KLHL1: variants seen among roughly 807,000 people sequenced by gnomAD.
KLHL1 encodes the protein kelch like family member 1, also known as kelch-like protein 1.
A neutral mutation model predicts 77.7 loss-of-function variants in KLHL1; 47 were observed. That is an observed-to-expected ratio of 0.60 (90% CI 0.48 to 0.77). The LOEUF (loss-of-function observed/expected upper bound fraction) is 0.77, where lower values mean the gene tolerates loss of function less well. Among genes scored for constraint, KLHL1 ranks in the 30% least tolerant of loss-of-function variants. KLHL1 has a pLI of 0.00. For missense variants in KLHL1, 925 were observed against 910.8 expected (o/e 1.02, Z -0.20); for synonymous variants, 360 against 325.2 (o/e 1.11, Z -1.15).
rs543274171 is a variant in KLHL1, at chr13:69,920,708, T to TA, written c.1014+19331dup. ...CTTAAAATGCCACAGAACAAAAAAG[T>TA]AAAAATCAGTGAAAAATGCTCTCGT... is the stretch of plus-strand genomic sequence containing the variant. On this transcript the variant is annotated intron_variant, in intron 4 of 10. Transcript: ENST00000377844. Among the ~76,000 whole-genome samples the TA allele has an allele frequency of 1.4e-4, 22 of 152,038 alleles. No individual in the cohort carries two copies. The East Asian group carries it at 2.3e-3, about 16-fold the overall frequency.
chr13:70,011,907 G>A (rs1329147555), intron 1 of KLHL1, among the ~76,000 whole-genome samples: 4 of 152,102 alleles, frequency 2.6e-5, no homozygotes. Context: ...AGAGTTTCAC[G>A]TGGCTGGGAG....
intron 7 of KLHL1, among the ~76,000 whole-genome samples, chr13:69,778,794 T>A (rs926130955): frequency 3.2e-5 from 2 of 62,716 alleles, no homozygotes; most frequent in African/African-American, 1.5e-4. Flanking sequence ...TTCCCTCTCT[T>A]TTTTTTTTTT....
At chr13:70,021,982 T>C (rs181306502) in intron 1 of KLHL1, among the ~76,000 whole-genome samples, 17 of 152,154 alleles carry the variant, frequency 1.1e-4, no homozygotes, top group Admixed American at 9.8e-4. Context: ...GCAGAAACTT[T>C]ATTTTAATGA....
In KLHL1 at chr13:69,849,410, T is replaced by C. The variant is rs965544708; in HGVS notation, c.1228-10248A>G. On this transcript the variant is annotated intron_variant, in intron 5 of 10. Coordinates refer to ENST00000377844, the MANE Select transcript of KLHL1 (RefSeq NM_020866.3). ...GAAGCACGTTATTCTACATTTTATATGTTAGCTCTTCTGATCTCTTTCTTC... is the reference window on the plus strand; with the variant it reads ...GAAGCACGTTATTCTACATTTTATACGTTAGCTCTTCTGATCTCTTTCTTC... 4.6e-5 allele frequency among the ~76,000 whole-genome samples: 7 copies of C among 151,572 alleles called. No homozygotes were observed. The East Asian group carries it at 1.4e-3, about 29-fold the overall frequency.
intron 10 of KLHL1, among the ~76,000 whole-genome samples, chr13:69,706,400 G>A (rs887750401): frequency 6.6e-6 from 1 of 151,844 alleles, no homozygotes; most frequent in Admixed American, 6.6e-5. Context: ...TCCGAAGTTA[G>A]TCTGACTAAA....
Position 69,796,946 on chromosome 13 carries a change from C to G in KLHL1, c.1431G>C (p.Glu477Asp). ...ACAGATTTGTTCTCAGATCATATTT[C>G]TCTATAGTTGTAGCTCCTGATAAAA... The part of the protein sequence containing the change: ...MDNNKGATTI[E>D]KYDLRTNLWI... Residue 477 changes from glutamate (E) to aspartate (D), a missense_variant, in exon 7 of 11, where the codon GAG becomes GAC. Physicochemically the swap from Glu to Asp is conservative, Grantham distance 45. Transcript: ENST00000377844. 6.2e-7 allele frequency: 1 copy of G among 1,614,034 alleles called. No homozygotes were observed. The highest frequency in any genetic ancestry group is 8.5e-7 in the Non-Finnish European group (1 of 1,179,898).
intron 7 of KLHL1, among the ~76,000 whole-genome samples, chr13:69,772,260 TA>T (rs1395770283): frequency 6.6e-6 from 1 of 151,972 alleles, no homozygotes; most frequent in Non-Finnish European, 1.5e-5. Context: ...TATAATAATG[TA>T]CATATTTTAT....
chr13:69,940,654 T>C (rs898835781), intron 3 of KLHL1, among the ~76,000 whole-genome samples: 1 of 152,092 alleles, frequency 6.6e-6, no homozygotes, highest in African/African-American at 2.4e-5. Flanking sequence ...CATATGTATA[T>C]ACATTTATAA....
intron 1 of KLHL1, among the ~76,000 whole-genome samples, chr13:70,062,606 CAAT>C (rs1474704010): frequency 6.6e-6 from 1 of 151,960 alleles, no homozygotes; most frequent in Non-Finnish European, 1.5e-5. Context: ...TATTAGTGCA[CAAT>C]AAAAAGTGGA....
chr13:69,996,221 T>G (rs1054820165), intron 1 of KLHL1, among the ~76,000 whole-genome samples: 2 of 152,070 alleles, frequency 1.3e-5, no homozygotes, highest in African/African-American at 4.8e-5. Flanking sequence ...GAGAATCGCT[T>G]GAACCAGGTT....
At chr13:69,855,144 T>C (rs1037811740) in intron 5 of KLHL1, among the ~76,000 whole-genome samples, 1 of 152,010 alleles carries the variant, frequency 6.6e-6, no homozygotes, top group East Asian at 1.9e-4. Flanking sequence ...TATTGAGAAC[T>C]GAGGAATTGT....
intron 5 of KLHL1, among the ~76,000 whole-genome samples, chr13:69,870,186 G>T (rs1409380804): frequency 1.3e-5 from 2 of 152,110 alleles, no homozygotes; most frequent in South Asian, 2.1e-4. Context: ...TCTGCTTTAG[G>T]TAAGTCTCAA....
At chr13:69,915,309 A>G (rs1593945211) in intron 4 of KLHL1, among the ~76,000 whole-genome samples, 1 of 152,312 alleles carries the variant, frequency 6.6e-6, no homozygotes, top group East Asian at 1.9e-4. Context: ...AAAAGAACAA[A>G]GCTGGAGGCA....
chr13:69,756,547 T>C (rs1874750276), intron 7 of KLHL1, among the ~76,000 whole-genome samples: 1 of 152,040 alleles, frequency 6.6e-6, no homozygotes, highest in African/African-American at 2.4e-5. Context: ...AACACCAAAG[T>C]AATAATCACT....
At chr13:69,733,395 T>C (rs967678516) in intron 8 of KLHL1, among the ~76,000 whole-genome samples, 5 of 152,142 alleles carry the variant, frequency 3.3e-5, no homozygotes, top group African/African-American at 9.7e-5. Context: ...CTTTCAGACA[T>C]AGAATCTAAT....
intron 1 of KLHL1, among the ~76,000 whole-genome samples, chr13:70,038,469 A>T (rs1305940781): frequency 2.6e-5 from 4 of 152,132 alleles, no homozygotes; most frequent in Non-Finnish European, 4.4e-5. Context: ...CTAATTTTTT[A>T]AGAAACTGCC....
intron 10 of KLHL1, among the ~76,000 whole-genome samples, chr13:69,707,266 C>G (rs1428352151): frequency 6.6e-6 from 1 of 151,902 alleles, no homozygotes; most frequent in Non-Finnish European, 1.5e-5. Flanking sequence ...ATTTCTGCAG[C>G]CTTTATATTG....
In KLHL1 at chr13:69,993,069, G is replaced by A. The variant is rs143682399; in HGVS notation, c.498-17267C>T. Among the ~76,000 whole-genome samples the A allele has an allele frequency of 1.5e-4, 23 of 152,004 alleles. No homozygotes were observed. In the East Asian group the frequency reaches 4.5e-3, roughly 29 times the overall value. On this transcript the variant is annotated intron_variant, in intron 1 of 10. Transcript: ENST00000377844. ...TAGTGTCAACTAACACTATTTATTT[G>A]CCTATATATACATATATAATTTTTC... is the stretch of plus-strand genomic sequence containing the variant.
At chr13:69,943,285 G>C (rs2150960) in intron 3 of KLHL1, among the ~76,000 whole-genome samples, 20,983 of 151,630 alleles carry the variant, frequency 0.14, 2,392 homozygotes, top group African/African-American at 0.29. Flanking sequence ...ATGATAGATG[G>C]CTTTGCTTTC....
Sources: allele counts gnomAD v4.1 joint callset (sites outside exome capture counted in the v4.1 genomes callset), GRCh38; gene constraint gnomAD v4.1.1; transcripts MANE v1.5; gene names NCBI Gene and HGNC (gene_info 2026-07-23, HGNC 2026-07-21).